ASCC1: variants seen among roughly 807,000 people sequenced by gnomAD.
ASCC1 encodes ASC-1 complex subunit P50.
In ASCC1, 35 loss-of-function variants were observed where a neutral mutation model predicts 46.6. That is an observed-to-expected ratio of 0.75 (90% confidence interval 0.57 to 0.99). The LOEUF (loss-of-function observed/expected upper bound fraction) is 0.99, where lower values mean the gene tolerates loss of function less well. ASCC1 is among the 50% of genes least tolerant of loss of function. The probability of loss-of-function intolerance (pLI) is 0.00; values close to 1 mark genes in which losing one functional copy is unlikely to be tolerated. For synonymous variants in ASCC1, 143 were observed against 146.6 expected (o/e 0.98, Z 0.18); for missense variants, 376 against 428.7 (o/e 0.88, Z 1.09).
rs756385458 is a variant in ASCC1 at position 72,120,592 on chromosome 10, C to CAAAA, written c.957+7486_957+7489dup. The stretch of plus-strand genomic sequence containing the variant: ...AGAGAGTACCAAGCAGAATAAAGAC[C>CAAAA]AAAAAAAAAAAAAAAATTGTACCTA... On this transcript the variant is annotated intron_variant, in intron 9 of 9. Transcript: ENST00000672957. 1.1e-3 allele frequency among the ~76,000 whole-genome samples: 103 copies of CAAAA among 92,140 alleles called. 1 individual carries two copies. Among genetic ancestry groups the CAAAA allele is most frequent in the African/African-American group, 4.1e-3 (100 of 24,304 alleles). The allele number at this position is 92,140 out of a possible 152,430, so 60.4% of individuals were successfully genotyped here.
At chr10:72,146,371 G>A (rs370456649) in intron 7 of ASCC1, among the ~76,000 whole-genome samples, 29 of 152,190 alleles carry the variant, frequency 1.9e-4, no homozygotes, top group East Asian at 7.7e-4. Flanking sequence ...AAGAAGAAAT[G>A]GGGTCACGAG....
At chr10:72,118,874 C>T (rs558683207) in intron 9 of ASCC1, among the ~76,000 whole-genome samples, 1 of 152,146 alleles carries the variant, frequency 6.6e-6, no homozygotes, top group Non-Finnish European at 1.5e-5. Flanking sequence ...TTAAAAGCTA[C>T]AAGACTTCTA....
chr10:72,172,993 A>C lies in ASCC1; in HGVS notation c.490-11319T>G, dbSNP rs1011352294. Among the ~76,000 whole-genome samples, 3 of 136,022 alleles carry C rather than the reference A, an allele frequency of 2.2e-5. No homozygotes were observed. The Admixed American group carries it at 2.4e-4, about 11-fold the overall frequency. 89.2% of individuals were successfully genotyped at this position (136,022 alleles called of 152,430 possible). On this transcript the variant is annotated intron_variant, in intron 5 of 9. Transcript: ENST00000672957. ...ATGTTATATACAATATTTTTATATT[A>C]TATATATATTTCTTATATTTTTTTA...
At chr10:72,198,339 AGGGGAGGGGAGGGGAGGGGAGGGG>A in intron 4 of ASCC1, 1 of 18,540 alleles carries the variant, frequency 5.4e-5, no homozygotes, top group South Asian at 2.5e-4. Context: ...AGGGGAGGAG[AGGGGAGGGGAGGGGAGGGGAGGGG>A]AGGGGGAGGG....
At chr10:72,118,910 C>T (rs552249070) in intron 9 of ASCC1, among the ~76,000 whole-genome samples, 20 of 152,280 alleles carry the variant, frequency 1.3e-4, no homozygotes, top group African/African-American at 9.6e-5. Flanking sequence ...TTAAGGACTT[C>T]GGAAGTCGCC....
At position 72,213,215 on chromosome 10, in the gene ASCC1, A is replaced by T; in HGVS notation, c.84T>A (p.His28Gln). ...GATAGAAGTCCTCTTCATCTTCTTC[A>T]TGTTGATAGGTCTGTTCTTGGACTG... Reference protein sequence around the residue: ...KNPVQEQTYQHEEDEEDFYQG... With the variant: ...KNPVQEQTYQQEEDEEDFYQG... The change falls in exon 2 of 10, where the codon CAT (histidine) becomes CAA (glutamine). Residue 28 changes from histidine to glutamine, a missense_variant. By Grantham distance (24) the His-to-Gln change is conservative. Coordinates refer to ENST00000672957, the MANE Select transcript of ASCC1 (RefSeq NM_001198800.3). The T allele has an allele frequency of 6.2e-7, 1 of 1,613,648 alleles. No homozygotes were observed. The highest frequency in any genetic ancestry group is 8.5e-7 in the Non-Finnish European group (1 of 1,179,678).
chr10:72,102,493 T>A, intron 9 of ASCC1: 1 of 1,135,048 alleles, frequency 8.8e-7, no homozygotes, highest in Non-Finnish European at 1.3e-6. Context: ...TAGTTCTTTT[T>A]ATACTAGGGA....
At chr10:72,104,880 C>T (rs1054070277) in intron 9 of ASCC1, among the ~76,000 whole-genome samples, 1 of 152,036 alleles carries the variant, frequency 6.6e-6, no homozygotes, top group Admixed American at 6.5e-5. Flanking sequence ...AAAACCACAC[C>T]GGGCGGGGTG....
intron 2 of ASCC1, among the ~76,000 whole-genome samples, chr10:72,212,034 A>G (rs1440643845): frequency 5.9e-5 from 9 of 152,000 alleles, no homozygotes; most frequent in African/African-American, 1.5e-4. Context: ...AAATACAAAA[A>G]TTAGCCAGGT....
intron 4 of ASCC1, among the ~76,000 whole-genome samples, chr10:72,203,057 G>A (rs1014016828): frequency 5.3e-5 from 8 of 152,136 alleles, no homozygotes; most frequent in African/African-American, 1.7e-4. Context: ...GAGGCCGAGA[G>A]GGGAGGATCA....
chr10:72,154,522 C>CA (rs1487509602), intron 6 of ASCC1, among the ~76,000 whole-genome samples: 5 of 148,640 alleles, frequency 3.4e-5, no homozygotes, highest in Non-Finnish European at 4.4e-5. Flanking sequence ...GACAGGGCCA[C>CA]ACTCTGTCAC....
chr10:72,170,608 A>AG (rs1482061491), intron 5 of ASCC1, among the ~76,000 whole-genome samples: 4 of 151,620 alleles, frequency 2.6e-5, no homozygotes, highest in African/African-American at 9.7e-5. Context: ...AAAAAAAAAA[A>AG]AAAAAGAAAG....
rs544982118 is a variant in ASCC1 at position 72,156,165 on chromosome 10, G to C, written c.627-3177C>G. Reference sequence around the variant, plus strand: ...TTGGTGATAAATGAGCTCTCACTCTGAGTTCACACAAAATCTACTTGTTTC... The same window carrying C: ...TTGGTGATAAATGAGCTCTCACTCTCAGTTCACACAAAATCTACTTGTTTC... On this transcript the variant is annotated intron_variant, in intron 6 of 9. Transcript: ENST00000672957. Among the ~76,000 whole-genome samples, 18 of 152,286 alleles carry C rather than the reference G, an allele frequency of 1.2e-4. No homozygotes were observed. In the South Asian group the frequency reaches 3.7e-3, roughly 32 times the overall value.
At chr10:72,190,824 C>T (rs1266103521) in intron 5 of ASCC1, among the ~76,000 whole-genome samples, 1 of 151,344 alleles carries the variant, frequency 6.6e-6, no homozygotes, top group Admixed American at 6.6e-5. Flanking sequence ...GGTGAAACCC[C>T]ATCTCTATTA....
intron 9 of ASCC1, among the ~76,000 whole-genome samples, chr10:72,103,521 GGTGT>G (rs886399562): frequency 3.3e-5 from 5 of 152,112 alleles, no homozygotes; most frequent in African/African-American, 1.2e-4. Flanking sequence ...CGAAGTTGAT[GGTGT>G]TCAGGACTTC....
intron 3 of ASCC1, among the ~76,000 whole-genome samples, chr10:72,206,701 C>T (rs1392778336): frequency 6.6e-6 from 1 of 152,082 alleles, no homozygotes; most frequent in Non-Finnish European, 1.5e-5. Context: ...CATTCCAACC[C>T]AGAGATTCAT....
At chr10:72,111,364 T>G (rs1450830409) in intron 9 of ASCC1, among the ~76,000 whole-genome samples, 2 of 152,066 alleles carry the variant, frequency 1.3e-5, no homozygotes, top group Non-Finnish European at 2.9e-5. Flanking sequence ...CACACGCCTG[T>G]AGTCCCATCT....
At chr10:72,125,439 T>C (rs1423077670) in intron 9 of ASCC1, among the ~76,000 whole-genome samples, 1 of 152,232 alleles carries the variant, frequency 6.6e-6, no homozygotes, top group Non-Finnish European at 1.5e-5. Context: ...TAATTTCATA[T>C]CATACAAAAA....
At chr10:72,137,783 C>T (rs536808156) in intron 7 of ASCC1, among the ~76,000 whole-genome samples, 10 of 152,096 alleles carry the variant, frequency 6.6e-5, no homozygotes, top group African/African-American at 1.7e-4. Flanking sequence ...GGTGAGGTTA[C>T]GTAATCAGAA....
Sources: gnomAD v4.1 joint callset for allele counts (sites outside exome capture counted in the v4.1 genomes callset) on GRCh38, gnomAD v4.1.1 for gene constraint, MANE v1.5 for transcripts, NCBI Gene and HGNC (gene_info 2026-07-23, HGNC 2026-07-21) for gene names.